The following EPS8 variants were observed in gnomAD, a reference collection of about 807,000 sequenced individuals.
EPS8 encodes the protein EGFR pathway substrate 8, signaling adaptor.
Under a neutral mutation model 103.8 loss-of-function variants are expected in EPS8, and 42 were observed. The ratio of observed to expected loss-of-function variants is 0.40; its 90% CI spans 0.32 to 0.52. The LOEUF (loss-of-function observed/expected upper bound fraction) is 0.52, where lower values mean the gene tolerates loss of function less well. EPS8 is among the 20% of genes least tolerant of loss of function. The pLI is 0.40. For synonymous variants in EPS8, 344 were observed against 344.6 expected (o/e 1.00, Z 0.02); for missense variants, 969 against 1,005.1 (o/e 0.96, Z 0.49).
chr12:15,782,600 C>A (rs1184732278), intron 1 of EPS8, among the ~76,000 whole-genome samples: 1 of 151,922 alleles, frequency 6.6e-6, no homozygotes, highest in Non-Finnish European at 1.5e-5. Context: ...GTCATGAATG[C>A]ATAATATGTA....
chr12:15,685,158 G>A (rs1202499586), intron 1 of EPS8, among the ~76,000 whole-genome samples: 1 of 152,154 alleles, frequency 6.6e-6, no homozygotes, highest in African/African-American at 2.4e-5. Context: ...CAGAACAGAG[G>A]CCTGGAATAA....
At chr12:15,630,382 T>C (rs545101722) in intron 18 of EPS8, among the ~76,000 whole-genome samples, 34 of 152,332 alleles carry the variant, frequency 2.2e-4, no homozygotes, top group Non-Finnish European at 4.1e-4. Flanking sequence ...TAAATTGACA[T>C]GCCATATACT....
intron 12 of EPS8, among the ~76,000 whole-genome samples, chr12:15,656,068 A>G (rs982040061): frequency 6.6e-6 from 1 of 152,216 alleles, no homozygotes; most frequent in African/African-American, 2.4e-5. Flanking sequence ...ACAAAGACCA[A>G]TTTGTATATG....
At chr12:15,640,959 A>G (rs1565473576) in intron 16 of EPS8, 113 bp from the exon 17 acceptor site, 1 of 822,740 alleles carries the variant, frequency 1.2e-6, no homozygotes, top group Non-Finnish European at 1.9e-6. Context: ...TTAACTCAGC[A>G]TCAACATAGT....
Position 15,758,207 on chromosome 12 carries a change from A to AGCTG in EPS8, c.-22+30950_-22+30953dup, listed in dbSNP as rs149436998. Among the ~76,000 whole-genome samples the AGCTG allele has an allele frequency of 2.6e-4, 39 of 152,338 alleles. No homozygotes were observed. The East Asian group carries it at 6.8e-3, about 26-fold the overall frequency. On this transcript the variant is annotated intron_variant, in intron 1 of 20. Coordinates refer to ENST00000281172, the MANE Select transcript of EPS8 (RefSeq NM_004447.6). ...AAGGAGAGCAAAGACCCCACCTCTC[A>AGCTG]GCTGCAGGAATGTCAGTCACATTTT...
rs1469940741 is a variant in EPS8, at chr12:15,764,426, GC to G, written c.-22+24734del. 1.3e-5 allele frequency among the ~76,000 whole-genome samples: 2 copies of G among 152,162 alleles called. No individual in the cohort carries two copies. Among genetic ancestry groups the G allele is most frequent in the Non-Finnish European group, 2.9e-5 (2 of 68,020 alleles). ...TCTGTTCAAGTCCACAAGGTTCCAG[GC>G]AAATTAAGAAATATTCCAGGATCAG... On this transcript the variant is annotated intron_variant, in intron 1 of 20. Coordinates refer to ENST00000281172, the MANE Select transcript of EPS8 (RefSeq NM_004447.6). This position sits in a 1 kb window ranked among gnomAD's most constrained non-coding sequence, Gnocchi z 4.1.
rs1433123000 is a variant in EPS8, at chr12:15,631,656, C to T, written c.1830G>A (p.Arg610=). The change falls in exon 18 of 21, where the codon AGG becomes AGA. Residue 610 remains arginine, a synonymous_variant. Transcript: ENST00000281172. ...CAGCTGGTCTTGGGCCATACTCCAT[C>T]CTTTGTTTCTATAAAAAGACAAATA... The part of the protein sequence containing the change: ...PPYTHTIQKQ[R]MEYGPRPADT... 5 of 1,606,156 alleles carry T rather than the reference C, an allele frequency of 3.1e-6. No individual in the cohort carries two copies. Among genetic ancestry groups the T allele is most frequent in the Non-Finnish European group, 3.4e-6 (4 of 1,176,334 alleles).
chr12:15,774,072 C>T (rs1057368858), intron 1 of EPS8, among the ~76,000 whole-genome samples: 2 of 151,632 alleles, frequency 1.3e-5, no homozygotes, highest in South Asian at 2.1e-4. Context: ...ATAATTCCAC[C>T]ATCTTTTACC....
chr12:15,656,870 T>G (rs902360090), intron 12 of EPS8, among the ~76,000 whole-genome samples: 13 of 152,184 alleles, frequency 8.5e-5, no homozygotes, highest in African/African-American at 3.1e-4. Context: ...GAGCTATCCT[T>G]GGCTCTTGCA....
rs537700447 is a variant in EPS8, at chr12:15,779,248, G to C, written c.-22+9913C>G. Among the ~76,000 whole-genome samples, 15 of 152,302 alleles carry C rather than the reference G, an allele frequency of 9.8e-5. No homozygotes were observed. Among genetic ancestry groups the C allele is most frequent in the Middle Eastern group, 6.8e-3 (2 of 294 alleles). Reference sequence around the variant, plus strand: ...CTGCCTCGGCTTCCCAAAATGCTGGGATTACAGGCGTGAGCCACCTTGCCC... The same window carrying C: ...CTGCCTCGGCTTCCCAAAATGCTGGCATTACAGGCGTGAGCCACCTTGCCC... On this transcript the variant is annotated intron_variant, in intron 1 of 20. Coordinates refer to ENST00000281172, the MANE Select transcript of EPS8 (RefSeq NM_004447.6). The surrounding 1 kb of genome is among the most constrained non-coding windows in gnomAD (Gnocchi z 4.3).
intron 8 of EPS8, among the ~76,000 whole-genome samples, chr12:15,663,822 T>C (rs1945649136): frequency 6.7e-6 from 1 of 148,972 alleles, no homozygotes; most frequent in African/African-American, 2.5e-5. Context: ...CTTGGGAGGC[T>C]GAGGCAGGAG....
rs1408586263 is a variant in EPS8 at position 15,697,293 on chromosome 12, A to T, written c.-21-14321T>A. ...TTACATGGCATAACTGCTGTCCCCC[A>T]TTCTAAGCCAAATGGTGGTACAAAA... On this transcript the variant is annotated intron_variant, in intron 1 of 20. Coordinates refer to ENST00000281172, the MANE Select transcript of EPS8 (RefSeq NM_004447.6). The surrounding 1 kb of genome is among the most constrained non-coding windows in gnomAD (Gnocchi z 5.6). Among the ~76,000 whole-genome samples the T allele has an allele frequency of 1.3e-5, 2 of 152,256 alleles. No individual in the cohort carries two copies. The highest frequency in any genetic ancestry group is 2.9e-5 in the Non-Finnish European group (2 of 68,050).
rs1249099950 is a variant in EPS8, at chr12:15,749,432, A to G, written c.-22+39729T>C. On this transcript the variant is annotated intron_variant, in intron 1 of 20. Coordinates refer to ENST00000281172, the MANE Select transcript of EPS8 (RefSeq NM_004447.6). The surrounding 1 kb of genome is among the most constrained non-coding windows in gnomAD (Gnocchi z 4.0). ...CAAATGCTAAGCAAAGGGCCTGCACATAATAGAGCTCAATAATCATTTGCC... is the reference window on the plus strand; with the variant it reads ...CAAATGCTAAGCAAAGGGCCTGCACGTAATAGAGCTCAATAATCATTTGCC... 6.6e-6 allele frequency among the ~76,000 whole-genome samples: 1 copy of G among 152,220 alleles called. No homozygotes were observed. The highest frequency in any genetic ancestry group is 1.5e-5 in the Non-Finnish European group (1 of 68,038).
At chr12:15,660,357 A>G (rs1197137483) in intron 10 of EPS8, among the ~76,000 whole-genome samples, 2 of 151,168 alleles carry the variant, frequency 1.3e-5, no homozygotes, top group African/African-American at 4.9e-5. Context: ...TCCGCCTGCT[A>G]GGTTCAAGCA....
At chr12:15,768,761 T>C (rs926423107) in intron 1 of EPS8, among the ~76,000 whole-genome samples, 1 of 152,146 alleles carries the variant, frequency 6.6e-6, no homozygotes, top group African/African-American at 2.4e-5. Context: ...TTAAACAATA[T>C]TGACATATAT....
chr12:15,752,004 G>T lies in EPS8; in HGVS notation c.-22+37157C>A, dbSNP rs1218823382. The stretch of plus-strand genomic sequence containing the variant: ...AAGGCCAAGGCAAAGTGCCAATACA[G>T]GAAATCAGTGACTGGATTTGAGGTA... On this transcript the variant is annotated intron_variant, in intron 1 of 20. Transcript: ENST00000281172. The surrounding 1 kb of genome is among the most constrained non-coding windows in gnomAD (Gnocchi z 4.4). Among the ~76,000 whole-genome samples the T allele has an allele frequency of 6.6e-6, 1 of 152,120 alleles. No homozygotes were observed. The highest frequency in any genetic ancestry group is 1.5e-5 in the Non-Finnish European group (1 of 68,032).
chr12:15,678,026 G>C (rs1945939629), intron 3 of EPS8, among the ~76,000 whole-genome samples: 1 of 152,084 alleles, frequency 6.6e-6, no homozygotes, highest in African/African-American at 2.4e-5. Context: ...TGAATATTTA[G>C]GGCTGCTTTT....
intron 8 of EPS8, 185 bp downstream of exon 8, chr12:15,665,571 T>C (rs1312167920): frequency 6.5e-6 from 4 of 611,666 alleles, no homozygotes; most frequent in Non-Finnish European, 1.1e-5. Flanking sequence ...CCTCAGGTGA[T>C]CCGCCCGCCT....
chr12:15,720,296 G>A (rs1265041316), intron 1 of EPS8, among the ~76,000 whole-genome samples: 1 of 152,006 alleles, frequency 6.6e-6, no homozygotes, highest in African/African-American at 2.4e-5. Context: ...ATAACACTTG[G>A]GATCAGATGA....
Sources: gnomAD v4.1 joint callset for allele counts (sites outside exome capture counted in the v4.1 genomes callset) on GRCh38, gnomAD v4.1.1 for gene constraint, Gnocchi (gnomAD v3.1) non-coding constraint, MANE v1.5 for transcripts, NCBI Gene and HGNC (gene_info 2026-07-23, HGNC 2026-07-21) for gene names.